Variants in NHSL2 observed in about 807,000 individuals in gnomAD.
The protein encoded by NHSL2 is NHS like 2.
A neutral mutation model predicts 53.4 loss-of-function variants in NHSL2; 27 were observed. The observed-to-expected ratio is 0.51, with a 90% CI of 0.37 to 0.70. The LOEUF is 0.70. NHSL2 is among the 30% of genes least tolerant of loss of function. The probability of loss-of-function intolerance (pLI) is 0.00; values close to 1 mark genes in which losing one functional copy is unlikely to be tolerated. For synonymous variants in NHSL2, 408 were observed against 404.1 expected (o/e 1.01, Z -0.12); for missense variants, 892 against 980.1 (o/e 0.91, Z 1.20).
At chrX:71,980,529 C>T (rs1290162945) in intron 1 of NHSL2, among the ~76,000 whole-genome samples, 3 of 107,726 alleles carry the variant, frequency 2.8e-5, no homozygotes, top group Non-Finnish European at 5.7e-5. Flanking sequence ...GCACTTTTTA[C>T]ATGCCAAACA....
At chrX:72,000,591 G>A (rs1357145642) in intron 1 of NHSL2, among the ~76,000 whole-genome samples, 10 of 111,651 alleles carry the variant, frequency 9.0e-5, no homozygotes, top group Non-Finnish European at 1.9e-4. Context: ...AGGACTCTAC[G>A]GGACAATCCT....
intron 1 of NHSL2, among the ~76,000 whole-genome samples, chrX:72,041,759 A>G (rs757080540): frequency 3.6e-5 from 4 of 112,261 alleles, no homozygotes; most frequent in Non-Finnish European, 7.5e-5. Context: ...AGAAGAAAAC[A>G]ATCAGGGGAG....
At chrX:71,952,612 C>G (rs1308429671) in intron 1 of NHSL2, among the ~76,000 whole-genome samples, 1 of 110,544 alleles carries the variant, frequency 9.0e-6, no homozygotes, top group Admixed American at 9.6e-5. Flanking sequence ...GGTACTAATC[C>G]CATTCATGAG....
chrX:71,942,978 G>GCC, intron 1 of NHSL2, among the ~76,000 whole-genome samples: 1 of 79,430 alleles, frequency 1.3e-5, no homozygotes, highest in Admixed American at 1.4e-4. Flanking sequence ...CTCTCTGTGT[G>GCC]TGTGTGTGTG....
chrX:72,119,654 A>G lies in NHSL2; in HGVS notation c.281-12425A>G, dbSNP rs985790000. Among the ~76,000 whole-genome samples the G allele has an allele frequency of 6.2e-5, 7 of 112,379 alleles. 1 individual carries two copies. The highest frequency in any genetic ancestry group is 2.3e-4 in the African/African-American group (7 of 30,902). On this transcript the variant is annotated intron_variant, in intron 1 of 7. Coordinates refer to ENST00000633930, the MANE Select transcript of NHSL2 (RefSeq NM_001013627.3). ...ATTAGTTTTAATAGTTTTTTAGTGG[A>G]TTCCTTAGGATTTTCTATGTACAAG...
intron 1 of NHSL2, among the ~76,000 whole-genome samples, chrX:72,032,208 A>G (rs1472334872): frequency 1.8e-5 from 2 of 111,475 alleles, no homozygotes; most frequent in Non-Finnish European, 3.8e-5. Context: ...CTTGGACAAC[A>G]TGGCGAAACC....
intron 1 of NHSL2, among the ~76,000 whole-genome samples, chrX:72,075,901 AGTGTGTGTGT>A (rs10637913): frequency 2.1e-5 from 2 of 93,395 alleles, no homozygotes; most frequent in Non-Finnish European, 4.3e-5. Flanking sequence ...GGGGGAGCAC[AGTGTGTGTGT>A]GTGTGTGTGT....
At chrX:71,956,151 C>T (rs1462647465) in intron 1 of NHSL2, among the ~76,000 whole-genome samples, 3 of 112,153 alleles carry the variant, frequency 2.7e-5, no homozygotes, top group African/African-American at 9.7e-5. Context: ...CCCCACCCCG[C>T]TCTTCTTTTA....
intron 1 of NHSL2, among the ~76,000 whole-genome samples, chrX:72,001,285 C>T (rs1569470837): frequency 8.9e-6 from 1 of 111,949 alleles, no homozygotes; most frequent in Non-Finnish European, 1.9e-5. Context: ...TGCCAGAGCC[C>T]TCCTTTCCAA....
intron 1 of NHSL2, among the ~76,000 whole-genome samples, chrX:71,983,100 G>C (rs901810629): frequency 9.9e-5 from 11 of 111,360 alleles, no homozygotes; most frequent in Non-Finnish European, 2.1e-4. Context: ...CGAATGGGGA[G>C]AGAAAATCCC....
At chrX:71,996,463 C>T (rs948665062) in intron 1 of NHSL2, among the ~76,000 whole-genome samples, 2 of 112,445 alleles carry the variant, frequency 1.8e-5, no homozygotes, top group Admixed American at 9.3e-5. Flanking sequence ...TCAGAGCAAA[C>T]AATTCTATCA....
At chrX:72,087,332 C>T (rs1401634714) in intron 1 of NHSL2, among the ~76,000 whole-genome samples, 1 of 112,082 alleles carries the variant, frequency 8.9e-6, no homozygotes, top group Non-Finnish European at 1.9e-5. Context: ...AGAAAGTTGA[C>T]TAGAAGTTAC....
intron 1 of NHSL2, among the ~76,000 whole-genome samples, chrX:71,986,329 C>T (rs1378762166): frequency 9.0e-6 from 1 of 111,692 alleles, no homozygotes; most frequent in East Asian, 2.8e-4. Context: ...AATCCCAGGT[C>T]ACCGTAAGTC....
intron 1 of NHSL2, among the ~76,000 whole-genome samples, chrX:72,101,038 CT>C (rs1210122586): frequency 0.049 from 4,694 of 95,501 alleles, 115 homozygotes; most frequent in Admixed American, 0.097. Context: ...TGCCTGTTTC[CT>C]TTTTTTTTTT....
intron 1 of NHSL2, among the ~76,000 whole-genome samples, chrX:72,088,020 C>G (rs1318436715): frequency 9.0e-6 from 1 of 111,583 alleles, no homozygotes; most frequent in Non-Finnish European, 1.9e-5. Context: ...CACCTGAGGT[C>G]GGGAATTCGA....
intron 1 of NHSL2, among the ~76,000 whole-genome samples, chrX:71,981,038 A>G (rs904725617): frequency 2.0e-4 from 22 of 112,416 alleles, no homozygotes; most frequent in African/African-American, 7.1e-4. Context: ...GATCAACGAC[A>G]TAACTGTAAG....
intron 1 of NHSL2, among the ~76,000 whole-genome samples, chrX:71,923,594 A>G (rs1336628437): frequency 8.9e-6 from 1 of 112,003 alleles, no homozygotes; most frequent in Non-Finnish European, 1.9e-5. Context: ...TGGATAATTT[A>G]TAGGACAGCC....
At chrX:72,032,090 A>C (rs1404010229) in intron 1 of NHSL2, among the ~76,000 whole-genome samples, 3 of 13,688 alleles carry the variant, frequency 2.2e-4, no homozygotes, top group Non-Finnish European at 4.1e-3. Flanking sequence ...CCACTGAAGT[A>C]AAAAAAAAAA....
At chrX:71,928,980 G>C (rs760181425) in intron 1 of NHSL2, among the ~76,000 whole-genome samples, 1 of 111,617 alleles carries the variant, frequency 9.0e-6, no homozygotes, top group Non-Finnish European at 1.9e-5. Context: ...TTCGGAACTT[G>C]ATTCCAAGTT....
Sources: gnomAD v4.1 joint callset for allele counts (sites outside exome capture counted in the v4.1 genomes callset) on GRCh38, gnomAD v4.1.1 for gene constraint, MANE v1.5 for transcripts, NCBI Gene and HGNC (gene_info 2026-07-23, HGNC 2026-07-21) for gene names.